Variants in EYS observed in about 807,000 individuals in gnomAD.
The protein encoded by EYS is protein eyes shut homolog.
In EYS, 250 loss-of-function variants were observed where a neutral mutation model predicts 282.1. The observed-to-expected ratio is 0.89, with a 90% CI of 0.80 to 0.98. The LOEUF (loss-of-function observed/expected upper bound fraction) is 0.98. EYS is among the 50% of genes least tolerant of loss of function. The pLI, the probability that EYS is intolerant of heterozygous loss-of-function variation, is 0.00. For missense variants in EYS, 4,016 were observed against 3,709.0 expected (o/e 1.08, Z -2.15); for synonymous variants, 1,355 against 1,282.9 (o/e 1.06, Z -1.20).
intron 12 of EYS, among the ~76,000 whole-genome samples, chr6:65,145,817 C>T (rs1038957220): frequency 9.2e-5 from 14 of 151,976 alleles, no homozygotes; most frequent in Admixed American, 5.2e-4. Context: ...TTTTATAATG[C>T]ATTTCAGAAG....
At chr6:65,220,091 T>C (rs1205988986) in intron 12 of EYS, among the ~76,000 whole-genome samples, 1 of 152,192 alleles carries the variant, frequency 6.6e-6, no homozygotes, top group Non-Finnish European at 1.5e-5. Flanking sequence ...TCCTATAGCC[T>C]TGGGAAAACC....
intron 10 of EYS, among the ~76,000 whole-genome samples, chr6:65,338,643 A>G (rs1264943160): frequency 6.6e-6 from 1 of 151,046 alleles, no homozygotes; most frequent in East Asian, 1.9e-4. Context: ...CACACAAATT[A>G]AATTAGAAGT....
intron 31 of EYS, among the ~76,000 whole-genome samples, chr6:64,147,441 G>T (rs947738919): frequency 6.6e-6 from 1 of 152,106 alleles, no homozygotes; most frequent in Admixed American, 6.6e-5. Flanking sequence ...TTATATATTT[G>T]GCTTCAGCTG....
At chr6:65,047,411 T>C (rs1325634965) in intron 13 of EYS, among the ~76,000 whole-genome samples, 1 of 151,922 alleles carries the variant, frequency 6.6e-6, no homozygotes, top group Non-Finnish European at 1.5e-5. Context: ...CTGGATCCTG[T>C]TTTTTGTTTC....
rs565099682 is a variant in EYS, at chr6:65,361,224, G to C, written c.1300-7607C>G. Among the ~76,000 whole-genome samples, 5 of 152,106 alleles carry C rather than the reference G, an allele frequency of 3.3e-5. No individual in the cohort carries two copies. The East Asian group carries it at 7.8e-4, about 24-fold the overall frequency. On this transcript the variant is annotated intron_variant, in intron 8 of 42. Transcript: ENST00000503581. ...CGGGGCCTGTTGTGAGGTGGGGAGT[G>C]GGGGAGGAAGGATAGCATTTGGAGG...
chr6:65,207,599 G>A (rs1766067192), intron 12 of EYS, among the ~76,000 whole-genome samples: 1 of 151,696 alleles, frequency 6.6e-6, no homozygotes, highest in Admixed American at 6.6e-5. Context: ...AACAAAGCCG[G>A]AGACATCACA....
At chr6:64,571,233 T>C (rs1765715915) in intron 26 of EYS, among the ~76,000 whole-genome samples, 1 of 152,118 alleles carries the variant, frequency 6.6e-6, no homozygotes, top group Non-Finnish European at 1.5e-5. Context: ...TTGAAACCAA[T>C]GAGAACAAAG....
rs1045706803 is a variant in EYS, at chr6:65,073,902, C to T, written c.2024-16175G>A. On this transcript the variant is annotated intron_variant, in intron 12 of 42. Coordinates refer to ENST00000503581, the MANE Select transcript of EYS (RefSeq NM_001142800.2). ...AAACACTGCCACCTAGAAATGAACA[C>T]TTGAATTATAAAAGCAAGAAAGTGA... Among the ~76,000 whole-genome samples the T allele has an allele frequency of 1.6e-4, 25 of 151,798 alleles. 1 individual carries two copies. The highest frequency in any genetic ancestry group is 1.5e-5 in the Non-Finnish European group (1 of 67,934).
chr6:64,064,537 T>C (rs1174304135), intron 33 of EYS, among the ~76,000 whole-genome samples: 1 of 152,186 alleles, frequency 6.6e-6, no homozygotes, highest in East Asian at 1.9e-4. Context: ...CATAGGGATA[T>C]CTCCTTTTTA....
chr6:64,660,759 C>T (rs1237730203), intron 22 of EYS, among the ~76,000 whole-genome samples: 3 of 152,144 alleles, frequency 2.0e-5, no homozygotes, highest in Non-Finnish European at 4.4e-5. Context: ...AATGGAAGAA[C>T]ATTCCACGCT....
intron 1 of EYS, among the ~76,000 whole-genome samples, chr6:65,679,386 G>T (rs1266614163): frequency 6.6e-6 from 1 of 151,948 alleles, no homozygotes; most frequent in Non-Finnish European, 1.5e-5. Context: ...CCTGTCATCT[G>T]TAACAACATA....
chr6:64,022,461 A>C (rs1396661081), intron 33 of EYS, among the ~76,000 whole-genome samples: 1 of 152,204 alleles, frequency 6.6e-6, no homozygotes, highest in Non-Finnish European at 1.5e-5. Context: ...ATTGGCATTA[A>C]GTACTTTTAT....
At chr6:63,855,521 G>A (rs1382840188) in intron 36 of EYS, among the ~76,000 whole-genome samples, 1 of 152,096 alleles carries the variant, frequency 6.6e-6, no homozygotes, top group African/African-American at 2.4e-5. Context: ...TAGGCTCAGG[G>A]CAACAGCATA....
chr6:64,591,298 G>C lies in EYS; in HGVS notation c.4569C>G (p.Pro1523=), dbSNP rs1301962354. 2 of 1,551,208 alleles carry C rather than the reference G, an allele frequency of 1.3e-6. No homozygotes were observed. The highest frequency in any genetic ancestry group is 2.7e-5 in the African/African-American group (2 of 73,014). The change falls in exon 26 of 43, where the codon CCC becomes CCG. Residue 1523 remains proline (P), a synonymous_variant. Transcript: ENST00000503581. ...LHRFSTKAFN[P]SEYQAITEAS... The stretch of plus-strand genomic sequence containing the variant: ...CCTCAGTAATAGCCTGATATTCACT[G>C]GGATTGAAGGCTTTTGTACTGAACC...
At chr6:65,587,598 C>T (rs574722120) in intron 2 of EYS, among the ~76,000 whole-genome samples, 3 of 152,128 alleles carry the variant, frequency 2.0e-5, no homozygotes, top group Admixed American at 1.3e-4. Context: ...AAACTGCCTT[C>T]CTTTATAAAT....
intron 30 of EYS, among the ~76,000 whole-genome samples, chr6:64,235,421 A>C (rs1582464499): frequency 6.6e-6 from 1 of 152,240 alleles, no homozygotes; most frequent in East Asian, 1.9e-4. Context: ...ACATGAACTC[A>C]TCATTTTTTA....
intron 12 of EYS, among the ~76,000 whole-genome samples, chr6:65,272,784 A>T: frequency 6.6e-6 from 1 of 152,188 alleles, no homozygotes; most frequent in East Asian, 1.9e-4. Context: ...ATCAGCATTC[A>T]AAATATCTTG....
rs193249060 is a variant in EYS, at chr6:64,956,562, C to T, written c.2260-10648G>A. Among the ~76,000 whole-genome samples the T allele has an allele frequency of 2.2e-4, 34 of 152,112 alleles. No homozygotes were observed. In the East Asian group the frequency reaches 5.0e-3, roughly 23 times the overall value. ...AGCAATAACCACAAGCACAGGCAAC[C>T]AAAGCAAAAATGGACAAATGACATC... On this transcript the variant is annotated intron_variant, in intron 14 of 42. Transcript: ENST00000503581.
At chr6:64,370,308 T>C (rs1286476568) in intron 29 of EYS, among the ~76,000 whole-genome samples, 1 of 152,200 alleles carries the variant, frequency 6.6e-6, no homozygotes, top group East Asian at 1.9e-4. Context: ...ATTCTGTTTA[T>C]GTGGTGAATC....
Sources: allele counts gnomAD v4.1 joint callset (sites outside exome capture counted in the v4.1 genomes callset), GRCh38; gene constraint gnomAD v4.1.1; transcripts MANE v1.5; gene names NCBI Gene and HGNC (gene_info 2026-07-23, HGNC 2026-07-21).